EFEMP2: variants seen among roughly 807,000 people sequenced by gnomAD.
EFEMP2 encodes the protein EGF-containing fibulin-like extracellular matrix protein 2.
EFEMP2 carries 21 observed loss-of-function variants against 55.3 expected under a neutral mutation model. The ratio of observed to expected loss-of-function variants is 0.38; its 90% CI spans 0.27 to 0.55. EFEMP2 has a LOEUF of 0.55. Ranked by LOEUF, EFEMP2 falls within the 20% of genes least tolerant of loss-of-function variation. EFEMP2 has a pLI of 0.77. For missense variants in EFEMP2, 513 were observed against 615.1 expected (o/e 0.83, Z 1.76); for synonymous variants, 275 against 242.3 (o/e 1.14, Z -1.25).
intron 4 of EFEMP2, chr11:65,870,898 G>T: frequency 1.4e-6 from 1 of 712,068 alleles, no homozygotes; most frequent in Non-Finnish European, 2.4e-6. Context: ...TCCAAGGCCT[G>T]TGGCTCCCAG....
Position 65,869,076 on chromosome 11 carries a change from CTT to C in EFEMP2, c.728-449_728-448del, listed in dbSNP as rs139217106. The C allele has an allele frequency of 8.5e-5, 24 of 282,204 alleles. No individual in the cohort carries two copies. In the East Asian group the frequency reaches 2.3e-3, roughly 28 times the overall value. The allele number at this position is 282,204 out of a possible 1,614,324, so 17.5% of individuals were successfully genotyped here. A position where few individuals can be genotyped will look rare whatever the true frequency, so the allele number is the denominator to read the frequency against. ...TTCACAGGCAGAACATTTCCTTTCT[CTT>C]GTTCCCCTCATGCTGCCAGGTAGCA... On this transcript the variant is annotated intron_variant, in intron 7 of 10. Coordinates refer to ENST00000307998, the MANE Select transcript of EFEMP2 (RefSeq NM_016938.5).
At chr11:65,872,189 G>T in intron 2 of EFEMP2, 55 bp downstream of exon 2, 4 of 1,519,060 alleles carry the variant, frequency 2.6e-6, no homozygotes, top group Non-Finnish European at 3.6e-6. Flanking sequence ...CCTGGGTCCC[G>T]GTCTCTTCCT....
rs774541173 is a variant in EFEMP2 at position 65,866,612 on chromosome 11, C to G, written c.*306G>C. On this transcript the variant is annotated 3_prime_UTR_variant, in exon 11 of 11. Transcript: ENST00000307998. ...GCCAGCCAAGTCCAAATCTCTGGGC[C>G]GGGGCCTGGAGTCCGCCCTCCTCGT... The G allele has an allele frequency of 5.0e-5, 35 of 702,760 alleles. No homozygotes were observed. The highest frequency in any genetic ancestry group is 4.9e-4 in the South Asian group (33 of 67,586). The allele number at this position is 702,760 out of a possible 1,614,324, so 43.5% of individuals were successfully genotyped here. A position where few individuals can be genotyped will look rare whatever the true frequency, so the allele number is the denominator to read the frequency against.
chr11:65,872,518 T>TCCCAGGC, intron 1 of EFEMP2, 157 bp from the exon 2 acceptor site: 2 of 552,784 alleles, frequency 3.6e-6, no homozygotes. Flanking sequence ...CAGGCCCAGG[T>TCCCAGGC]CCCAGGCCCG....
rs1194617277 is a variant in EFEMP2 at position 65,866,927 on chromosome 11, G to A, written c.1323C>T (p.Tyr441=). The A allele has an allele frequency of 1.2e-6, 2 of 1,614,156 alleles. No homozygotes were observed. Among genetic ancestry groups the A allele is most frequent in the African/African-American group, 2.7e-5 (2 of 75,032 alleles). The change falls in exon 11 of 11, where the codon TAC becomes TAT. Residue 441 remains tyrosine (Y), a synonymous_variant. Coordinates refer to ENST00000307998, the MANE Select transcript of EFEMP2 (RefSeq NM_016938.5). The part of the protein sequence containing the change: ...VLRLTVFVGA[Y]TF ...GGCTCCCTCCTGCTCCTCAGAAGGT[G>A]TAGGCCCCTACAAAGACGGTGAGCC...
intron 2 of EFEMP2, 28 bp downstream of exon 2, chr11:65,872,216 C>T: frequency 6.5e-7 from 1 of 1,544,554 alleles, no homozygotes; most frequent in Non-Finnish European, 8.8e-7. Flanking sequence ...CCTTCCTGTC[C>T]CAGGCCAGCG....
At chr11:65,867,744 G>C (rs1458958433) in intron 10 of EFEMP2, 117 bp downstream of exon 10, 1 of 1,149,796 alleles carries the variant, frequency 8.7e-7, no homozygotes, top group Non-Finnish European at 1.3e-6. Flanking sequence ...CCCCGCCTCC[G>C]GGGGCGGGGC....
At chr11:65,867,619 G>C (rs1172777026) in intron 10 of EFEMP2, 1 of 536,402 alleles carries the variant, frequency 1.9e-6, no homozygotes, top group Non-Finnish European at 3.4e-6. Context: ...TGAAGAAACT[G>C]AGATCAATAT....
chr11:65,868,783 G>C lies in EFEMP2; in HGVS notation c.728-154C>G. 2.7e-6 allele frequency: 3 copies of C among 1,102,766 alleles called. No homozygotes were observed. The South Asian group carries it at 4.1e-5, about 15-fold the overall frequency. The allele number at this position is 1,102,766 out of a possible 1,614,324, so 68.3% of individuals were successfully genotyped here. ...GCCACAAGTTCAGCCGGGAGATGGA[G>C]GGTTCAAAGAAAGTTTGCCCAGGCT... On this transcript the variant is annotated intron_variant, in intron 7 of 10. Transcript: ENST00000307998.
chr11:65,867,706 T>C (rs1469895000), intron 10 of EFEMP2, 155 bp downstream of exon 10: 6 of 778,756 alleles, frequency 7.7e-6, no homozygotes, highest in Non-Finnish European at 1.3e-5. Context: ...AGAATTGCAT[T>C]TAGAGTACCC....
rs747875416 is a variant in EFEMP2 at position 65,867,103 on chromosome 11, C to A, written c.1171-24G>T. The A allele has an allele frequency of 3.7e-6, 6 of 1,613,220 alleles. No individual in the cohort carries two copies. In the Admixed American group the frequency reaches 1.0e-4, roughly 27 times the overall value. On this transcript the variant is annotated intron_variant, in intron 10 of 10. Coordinates refer to ENST00000307998, the MANE Select transcript of EFEMP2 (RefSeq NM_016938.5). ...TGCTGCAGGGCAGTGGGTGGGGGGA[C>A]ATATATATTGTGTCAGCCTGTGTGC...
In EFEMP2 at chr11:65,866,671, T is replaced by G. The variant is rs1486449571; in HGVS notation, c.*247A>C. On this transcript the variant is annotated 3_prime_UTR_variant, in exon 11 of 11. Transcript: ENST00000307998. ...CTCCTCTCGGGGTGACTGAAGCTCG[T>G]GGTGCAGAGCTCCCAGCTCCTGTCA... 1 of 704,704 alleles carries G rather than the reference T, an allele frequency of 1.4e-6. No homozygotes were observed. Among genetic ancestry groups the G allele is most frequent in the Admixed American group, 2.0e-5 (1 of 50,010 alleles). The allele number at this position is 704,704 out of a possible 1,614,324, so 43.7% of individuals were successfully genotyped here.
Position 65,872,719 on chromosome 11 carries a change from C to T in EFEMP2, c.-44G>A, listed in dbSNP as rs1264986079. On this transcript the variant is annotated 5_prime_UTR_variant, in exon 1 of 11. Transcript: ENST00000307998. ...ACACCCCCGCGGCCCGCGGCTCTGG[C>T]GGCTCGGCTGGCTCGGGCAATGCCT... 1.1e-5 allele frequency: 4 copies of T among 354,952 alleles called. No homozygotes were observed. Among genetic ancestry groups the T allele is most frequent in the Admixed American group, 6.5e-5 (2 of 30,642 alleles). 22.0% of individuals were successfully genotyped at this position (354,952 alleles called of 1,614,324 possible). A position where few individuals can be genotyped will look rare whatever the true frequency, so the allele number is the denominator to read the frequency against.
At chr11:65,867,200 C>T in intron 10 of EFEMP2, 121 bp from the exon 11 acceptor site, 1 of 1,202,884 alleles carries the variant, frequency 8.3e-7, no homozygotes. Context: ...GCCAGGCTGC[C>T]ACCCCAGCCT....
At position 65,868,041 on chromosome 11, in the gene EFEMP2, C is replaced by G; in HGVS notation, c.990G>C (p.Pro330=). ...GCTCTCGACATAGAGGGTTGGAGGC[C>G]GGGCAGAGACAGCGGCTAGAGACCC... is the stretch of plus-strand genomic sequence containing the variant. ...IQVSENRCLC[P]ASNPLCREQP... Residue 330 remains proline, a synonymous_variant, in exon 10 of 11, where the codon CCG becomes CCC. Transcript: ENST00000307998. 1.2e-6 allele frequency: 2 copies of G among 1,613,722 alleles called. No homozygotes were observed. Among genetic ancestry groups the G allele is most frequent in the Non-Finnish European group, 1.7e-6 (2 of 1,179,928 alleles).
Position 65,868,053 on chromosome 11 carries a change from G to A in EFEMP2, c.978C>T (p.Arg326=). 1 of 1,613,690 alleles carries A rather than the reference G, an allele frequency of 6.2e-7. No homozygotes were observed. Among genetic ancestry groups the A allele is most frequent in the Non-Finnish European group, 8.5e-7 (1 of 1,179,906 alleles). Residue 326 remains arginine, a synonymous_variant, in exon 10 of 11, where the codon CGC becomes CGT. Coordinates refer to ENST00000307998, the MANE Select transcript of EFEMP2 (RefSeq NM_016938.5). ...GAGGGTTGGAGGCCGGGCAGAGACA[G>A]CGGCTAGAGACCCCGAGGTGGGGGA... ...VEPYIQVSEN[R]CLCPASNPLC...
intron 2 of EFEMP2, 85 bp downstream of exon 2, chr11:65,872,159 A>C: frequency 2.7e-6 from 4 of 1,495,076 alleles, no homozygotes; most frequent in Non-Finnish European, 2.7e-6. Context: ...GGGGAGGAAG[A>C]CTTCCCCGGC....
intron 7 of EFEMP2, 124 bp from the exon 8 acceptor site, chr11:65,868,753 G>A: frequency 6.3e-4 from 852 of 1,353,208 alleles, no homozygotes; most frequent in Admixed American, 3.7e-3. Flanking sequence ...AGGGGGATGA[G>A]ACAAGCCACA....
At chr11:65,869,699 G>A (rs1162988384) in intron 7 of EFEMP2, 158 bp downstream of exon 7, 2 of 1,107,350 alleles carry the variant, frequency 1.8e-6, no homozygotes, top group Middle Eastern at 2.9e-4. Flanking sequence ...TAGCCTGGGA[G>A]TGCTCCACAG....
Sources: gnomAD v4.1 joint callset for allele counts on GRCh38, gnomAD v4.1.1 for gene constraint, MANE v1.5 for transcripts, NCBI Gene and HGNC (gene_info 2026-07-23, HGNC 2026-07-21) for gene names.